The following NLRP4 variants were observed in gnomAD, a reference collection of about 807,000 sequenced individuals.
NLRP4 encodes NLR family pyrin domain containing 4.
Under a neutral mutation model 84.7 loss-of-function variants are expected in NLRP4, and 44 were observed. That is an observed-to-expected ratio of 0.52 (90% CI 0.41 to 0.67). The LOEUF is 0.67. Among genes scored for constraint, NLRP4 ranks in the 30% least tolerant of loss-of-function variants. The pLI, the probability that NLRP4 is intolerant of heterozygous loss-of-function variation, is 0.00. For synonymous variants in NLRP4, 544 were observed against 476.4 expected (o/e 1.14, Z -1.85); for missense variants, 1,260 against 1,219.4 (o/e 1.03, Z -0.50).
At chr19:55,867,563 G>A (rs2123051390) in intron 5 of NLRP4, 146 bp from the exon 6 acceptor site, 3 of 671,232 alleles carry the variant, frequency 4.5e-6, no homozygotes, top group Middle Eastern at 3.7e-4. Flanking sequence ...CAGAGACTGG[G>A]TTGACAGGGA....
chr19:55,876,645 G>A (rs537793097), intron 7 of NLRP4, among the ~76,000 whole-genome samples: 2 of 152,222 alleles, frequency 1.3e-5, no homozygotes, highest in East Asian at 1.9e-4. Context: ...TTACACGCAT[G>A]AGCCACCGCA....
chr19:55,859,290 G>C lies in NLRP4; in HGVS notation c.1856+41G>C, dbSNP rs747357324. The C allele has an allele frequency of 8.6e-6, 13 of 1,516,394 alleles. No homozygotes were observed. In the Admixed American group the frequency reaches 1.7e-4, roughly 20 times the overall value. The allele number at this position is 1,516,394 out of a possible 1,614,324, so 93.9% of individuals were successfully genotyped here. ...GACTTTTTCTCTCTTCTCAGAATCT[G>C]TCTGTATTCCCAAGTGGGTTTTGCT... On this transcript the variant is annotated intron_variant, in intron 3 of 9. Coordinates refer to ENST00000301295, the MANE Select transcript of NLRP4 (RefSeq NM_134444.5).
intron 1 of NLRP4, among the ~76,000 whole-genome samples, chr19:55,844,961 A>G (rs990513231): frequency 6.6e-6 from 1 of 151,786 alleles, no homozygotes; most frequent in Non-Finnish European, 1.5e-5. Context: ...CTTTCCCCTC[A>G]CTTTCAGAGG....
rs1984557594 is a variant in NLRP4, at chr19:55,858,477, G to A, written c.1084G>A (p.Ala362Thr). ...AGAGATGCAGAAAGGAAAAGACCTG[G>A]CCCTGACCTGCCAGAGCACTACCTC... ...KQEMQKGKDL[A>T]LTCQSTTSVY... Residue 362 changes from alanine to threonine, a missense_variant, in exon 3 of 10, where the codon GCC becomes ACC. Ala to Thr is a moderately conservative substitution (Grantham distance 58, BLOSUM62 0). Transcript: ENST00000301295. The surrounding 1 kb of genome is among the most constrained non-coding windows in gnomAD (Gnocchi z 4.2). 7 of 1,614,066 alleles carry A rather than the reference G, an allele frequency of 4.3e-6. No individual in the cohort carries two copies. The highest frequency in any genetic ancestry group is 5.9e-6 in the Non-Finnish European group (7 of 1,180,032).
At chr19:55,857,449 G>A in intron 2 of NLRP4, 2 of 571,006 alleles carry the variant, frequency 3.5e-6, no homozygotes, top group South Asian at 5.0e-5. Flanking sequence ...TCTCATAGCT[G>A]TTCAGCTCTG....
intron 3 of NLRP4, among the ~76,000 whole-genome samples, chr19:55,860,390 A>G (rs1015552215): frequency 6.6e-6 from 1 of 152,172 alleles, no homozygotes; most frequent in Non-Finnish European, 1.5e-5. Context: ...GCCTGGGAAA[A>G]ATAGCAGGAC....
intron 1 of NLRP4, among the ~76,000 whole-genome samples, chr19:55,848,028 T>A (rs1471944165): frequency 1.3e-5 from 2 of 152,098 alleles, no homozygotes; most frequent in African/African-American, 4.8e-5. Context: ...AATATCCTTT[T>A]TATGTGCCTG....
intron 3 of NLRP4, 148 bp from the exon 4 acceptor site, chr19:55,861,238 C>A: frequency 1.5e-6 from 1 of 645,684 alleles, no homozygotes; most frequent in Admixed American, 3.0e-5. Flanking sequence ...CATAAGGTGA[C>A]TTACCTGAAG....
rs1324206801 is a variant in NLRP4 at position 55,867,986 on chromosome 19, A to G, written c.2354+110A>G. The G allele has an allele frequency of 3.2e-6, 3 of 944,476 alleles. No homozygotes were observed. In the African/African-American group the frequency reaches 4.9e-5, roughly 16 times the overall value. 58.5% of individuals were successfully genotyped at this position (944,476 alleles called of 1,614,324 possible). ...TGGAGGCCACATAGCGGAGGTTTAAAAGCTCACGCTTAAGAATCAGAAAAG... is the reference window on the plus strand; with the variant it reads ...TGGAGGCCACATAGCGGAGGTTTAAGAGCTCACGCTTAAGAATCAGAAAAG... On this transcript the variant is annotated intron_variant, in intron 6 of 9. Transcript: ENST00000301295.
At chr19:55,877,311 C>T in intron 8 of NLRP4, 145 bp downstream of exon 8, 1 of 745,402 alleles carries the variant, frequency 1.3e-6, no homozygotes, top group Non-Finnish European at 2.2e-6. Context: ...AACTTCAGGG[C>T]TTAAGGCAAT....
intron 7 of NLRP4, among the ~76,000 whole-genome samples, chr19:55,876,201 A>G (rs917006413): frequency 2.0e-5 from 3 of 152,210 alleles, no homozygotes; most frequent in African/African-American, 7.2e-5. Context: ...GCATCATGGA[A>G]TAGCGTATCA....
intron 1 of NLRP4, among the ~76,000 whole-genome samples, chr19:55,845,608 T>C (rs1209918150): frequency 2.0e-5 from 3 of 151,956 alleles, no homozygotes; most frequent in East Asian, 3.9e-4. Flanking sequence ...CCACACCGAC[T>C]TCCACAATGG....
At chr19:55,857,383 CT>C in intron 2 of NLRP4, 1 of 415,300 alleles carries the variant, frequency 2.4e-6, no homozygotes, top group Non-Finnish European at 4.2e-6. Context: ...AGTTGTCAAC[CT>C]TTTTGTGTAG....
At chr19:55,843,020 A>G (rs1983671143) in intron 1 of NLRP4, among the ~76,000 whole-genome samples, 1 of 152,072 alleles carries the variant, frequency 6.6e-6, no homozygotes, top group Admixed American at 6.6e-5. Context: ...CGGCCTCCCA[A>G]AGTGCTGGGA....
intron 5 of NLRP4, 123 bp from the exon 6 acceptor site, chr19:55,867,586 T>C: frequency 2.5e-6 from 2 of 787,474 alleles, no homozygotes; most frequent in Non-Finnish European, 4.2e-6. Flanking sequence ...AAGAACAGGG[T>C]TGGGAGGCAG....
intron 1 of NLRP4, among the ~76,000 whole-genome samples, chr19:55,838,602 A>G (rs1983487320): frequency 6.6e-6 from 1 of 152,052 alleles, no homozygotes; most frequent in Non-Finnish European, 1.5e-5. Flanking sequence ...GAAAAAAATG[A>G]TGTGATTTTA....
At position 55,857,931 on chromosome 19, in the gene NLRP4, G is replaced by A; in HGVS notation, c.538G>A (p.Asp180Asn). The part of the protein sequence containing the change: ...MAWSDNKIFR[D>N]RFLYTFYFCC... ...CTGGTCGGACAACAAGATCTTTCGG[G>A]ATAGGTTCCTGTACACGTTCTATTT... is the stretch of plus-strand genomic sequence containing the variant. Residue 180 changes from aspartate to asparagine, a missense_variant, in exon 3 of 10, where the codon GAT becomes AAT. Coordinates refer to ENST00000301295, the MANE Select transcript of NLRP4 (RefSeq NM_134444.5). The A allele has an allele frequency of 6.2e-7, 1 of 1,614,192 alleles. No individual in the cohort carries two copies. Among genetic ancestry groups the A allele is most frequent in the Non-Finnish European group, 8.5e-7 (1 of 1,180,022 alleles).
chr19:55,867,648 C>T, intron 5 of NLRP4, 61 bp from the exon 6 acceptor site: 1 of 1,479,452 alleles, frequency 6.8e-7, no homozygotes, highest in South Asian at 1.2e-5. Context: ...ACAGGATTGG[C>T]AAGAGGAATG....
intron 1 of NLRP4, among the ~76,000 whole-genome samples, chr19:55,845,630 T>G (rs1030628094): frequency 5.9e-5 from 9 of 152,000 alleles, no homozygotes; most frequent in African/African-American, 2.2e-4. Flanking sequence ...TGAACTAGTT[T>G]ACAGTCCCAC....
Sources: gnomAD v4.1 joint callset for allele counts (sites outside exome capture counted in the v4.1 genomes callset) on GRCh38, gnomAD v4.1.1 for gene constraint, Gnocchi (gnomAD v3.1) non-coding constraint, MANE v1.5 for transcripts, NCBI Gene and HGNC (gene_info 2026-07-23, HGNC 2026-07-21) for gene names.